Variants in POU6F1 observed in about 807,000 individuals in gnomAD.
The protein encoded by POU6F1 is POU class 6 homeobox 1, also known as POU domain, class 6, transcription factor 1.
POU6F1 carries 9 observed loss-of-function variants against 28.9 expected under a neutral mutation model. The ratio of observed to expected loss-of-function variants is 0.31; its 90% confidence interval spans 0.19 to 0.54. The LOEUF (loss-of-function observed/expected upper bound fraction) is 0.54, where lower values mean the gene tolerates loss of function less well. Among genes scored for constraint, POU6F1 ranks in the 20% least tolerant of loss-of-function variants. The pLI, the probability that POU6F1 is intolerant of heterozygous loss-of-function variation, is 0.94. For missense variants in POU6F1, 338 were observed against 426.1 expected (o/e 0.79, Z 1.82); for synonymous variants, 173 against 171.1 (o/e 1.01, Z -0.09).
At chr12:51,213,647 C>T (rs1420877324) in intron 1 of POU6F1, among the ~76,000 whole-genome samples, 5 of 152,160 alleles carry the variant, frequency 3.3e-5, no homozygotes, top group African/African-American at 1.2e-4. Context: ...GATTCTCCTG[C>T]CTCAACCTCC....
At chr12:51,216,286 A>G (rs183904746) in intron 1 of POU6F1, among the ~76,000 whole-genome samples, 3 of 152,252 alleles carry the variant, frequency 2.0e-5, no homozygotes, top group Admixed American at 2.0e-4. Flanking sequence ...CAAAATGCAG[A>G]AAAACCTTAC....
rs889339997 is a variant in POU6F1 at position 51,187,116 on chromosome 12, T to C, written c.*3131A>G. 3 of 152,234 alleles carry C rather than the reference T, an allele frequency of 2.0e-5. No homozygotes were observed. The highest frequency in any genetic ancestry group is 7.2e-5 in the African/African-American group (3 of 41,526). 9.4% of individuals were successfully genotyped at this position (152,234 alleles called of 1,614,324 possible). The stretch of plus-strand genomic sequence containing the variant: ...AGGAAATCTGGGCATGGGAAGGTAA[T>C]TGGATTTCCAAGAACACAAAAATGT... On this transcript the variant is annotated 3_prime_UTR_variant, in exon 11 of 11. Coordinates refer to ENST00000333640, the MANE Select transcript of POU6F1 (RefSeq NM_001330422.2).
rs1484301626 is a variant in POU6F1 at position 51,190,024 on chromosome 12, C to T, written c.*223G>A. Reference sequence around the variant, plus strand: ...AAATCCTCTTCTTCGGAGTGACCAGCCCAGAGCCTGGAGCTCTCGTGTGGC... The same window carrying T: ...AAATCCTCTTCTTCGGAGTGACCAGTCCAGAGCCTGGAGCTCTCGTGTGGC... On this transcript the variant is annotated 3_prime_UTR_variant, in exon 11 of 11. Transcript: ENST00000333640. The surrounding 1 kb of genome is among the most constrained non-coding windows in gnomAD (Gnocchi z 4.5). 1 of 754,990 alleles carries T rather than the reference C, an allele frequency of 1.3e-6. No homozygotes were observed. The highest frequency in any genetic ancestry group is 1.8e-5 in the African/African-American group (1 of 56,748). The allele number at this position is 754,990 out of a possible 1,614,324, so 46.8% of individuals were successfully genotyped here.
At chr12:51,206,556 C>T (rs980043405) in intron 2 of POU6F1, among the ~76,000 whole-genome samples, 4 of 152,038 alleles carry the variant, frequency 2.6e-5, no homozygotes, top group Admixed American at 2.0e-4. Context: ...AAACCTTTCC[C>T]CATGTAAACT....
Position 51,196,874 on chromosome 12 carries a change from T to C in POU6F1, c.900A>G (p.Thr300=). ...GQTQILGSLT[T]APVITSAIPS... Reference sequence around the variant, plus strand: ...GAATGGCGCTGGTAATGACTGGAGCTGTAGTGAGGGACCCCAGGATCTGGG... The same window carrying C: ...GAATGGCGCTGGTAATGACTGGAGCCGTAGTGAGGGACCCCAGGATCTGGG... Residue 300 remains threonine, a synonymous_variant, in exon 7 of 11, where the codon ACA becomes ACG. Transcript: ENST00000333640. The C allele has an allele frequency of 6.2e-7, 1 of 1,613,818 alleles. No individual in the cohort carries two copies. The highest frequency in any genetic ancestry group is 8.5e-7 in the Non-Finnish European group (1 of 1,179,776).
At chr12:51,214,874 G>A (rs879360398) in intron 1 of POU6F1, among the ~76,000 whole-genome samples, 1 of 152,000 alleles carries the variant, frequency 6.6e-6, no homozygotes, top group Non-Finnish European at 1.5e-5. Context: ...CCAGAGAATC[G>A]CTTGAGCCCA....
Position 51,196,081 on chromosome 12 carries a change from C to A in POU6F1, c.1068G>T (p.Gln356His). 6.2e-7 allele frequency: 1 copy of A among 1,606,768 alleles called. No homozygotes were observed. The highest frequency in any genetic ancestry group is 8.5e-7 in the Non-Finnish European group (1 of 1,177,214). ...QSLQVQAVTP[Q>H]LLLNAQGQVI... Reference sequence around the variant, plus strand: ...CCTGGCCCTGGGCGTTCAACAACAGCTGGGGGGTCACGGCCTGGACCTGCA... The same window carrying A: ...CCTGGCCCTGGGCGTTCAACAACAGATGGGGGGTCACGGCCTGGACCTGCA... Residue 356 changes from glutamine (Q) to histidine (H), a missense_variant, in exon 8 of 11, where the codon CAG becomes CAT. Physicochemically the swap from Gln to His is conservative, Grantham distance 24. Transcript: ENST00000333640.
In POU6F1 at chr12:51,204,342, G is replaced by T; in HGVS notation, c.75C>A (p.Thr25=). Residue 25 remains threonine (T), a synonymous_variant, in exon 3 of 11, where the codon ACC becomes ACA. Transcript: ENST00000333640. ...EQVIVMSGHE[T]IRVLEVGVDA... ...CCACTCCGACTTCCAGCACTCGGAT[G>T]GTCTCATGACCTGACATCACGATGA... is the stretch of plus-strand genomic sequence containing the variant. 2.5e-6 allele frequency: 1 copy of T among 399,348 alleles called. No individual in the cohort carries two copies. The highest frequency in any genetic ancestry group is 4.4e-6 in the Non-Finnish European group (1 of 226,360). 24.7% of individuals were successfully genotyped at this position (399,348 alleles called of 1,614,324 possible). A position where few individuals can be genotyped will look rare whatever the true frequency, so the allele number is the denominator to read the frequency against.
rs935391418 is a variant in POU6F1 at position 51,197,955 on chromosome 12, T to C, written c.661A>G (p.Thr221Ala). The change falls in exon 6 of 11, where the codon ACG becomes GCG. Residue 221 changes from threonine (T) to alanine (A), a missense_variant. Around this residue, in one of 3 missense-constraint regions of POU6F1, gnomAD observed 206 missense variants for 225.6 expected, o/e 0.91. Transcript: ENST00000333640. ...TGGGCTGGTGGCCGGGGTTGGGCCG[T>C]CGAGGAGGCCTGTACTGGTGCGGCA... ...QAAAPVQASS[T>A]AQPRPPAQPQ... 8 of 402,244 alleles carry C rather than the reference T, an allele frequency of 2.0e-5. No homozygotes were observed. The highest frequency in any genetic ancestry group is 8.8e-5 in the Admixed American group (2 of 22,722). The allele number at this position is 402,244 out of a possible 1,614,324, so 24.9% of individuals were successfully genotyped here.
chr12:51,204,540 CCT>C (rs1238559345), intron 2 of POU6F1, among the ~76,000 whole-genome samples, 172 bp from the exon 3 acceptor site: 2 of 152,124 alleles, frequency 1.3e-5, no homozygotes, highest in African/African-American at 4.8e-5. Context: ...GTTGCAGCTC[CCT>C]GATTCCAGGG....
At position 51,218,039 on chromosome 12, in the gene POU6F1, C is replaced by T. The variant is rs1944379207; in HGVS notation, c.-445G>A. Among the ~76,000 whole-genome samples, 1 of 150,610 alleles carries T rather than the reference C, an allele frequency of 6.6e-6. No individual in the cohort carries two copies. Among genetic ancestry groups the T allele is most frequent in the Admixed American group, 6.6e-5 (1 of 15,128 alleles). On this transcript the variant is annotated 5_prime_UTR_variant, in exon 1 of 11. Coordinates refer to ENST00000333640, the MANE Select transcript of POU6F1 (RefSeq NM_001330422.2). Reference sequence around the variant, plus strand: ...TCTGCTACTTGGATTTTTTTAGCTGCTGCGTCATGAGCATAATTTATGCAA... The same window carrying T: ...TCTGCTACTTGGATTTTTTTAGCTGTTGCGTCATGAGCATAATTTATGCAA...
chr12:51,194,515 C>A (rs1364041316), intron 8 of POU6F1, among the ~76,000 whole-genome samples: 3 of 151,948 alleles, frequency 2.0e-5, no homozygotes, highest in African/African-American at 7.2e-5. Context: ...GTGGTGCACA[C>A]CTGTAGTCCC....
At position 51,186,996 on chromosome 12, in the gene POU6F1, C is replaced by T. The variant is rs940219978; in HGVS notation, c.*3251G>A. The T allele has an allele frequency of 4.6e-5, 7 of 152,290 alleles. No homozygotes were observed. Among genetic ancestry groups the T allele is most frequent in the African/African-American group, 1.4e-4 (6 of 41,460 alleles). The allele number at this position is 152,290 out of a possible 1,614,324, so 9.4% of individuals were successfully genotyped here. On this transcript the variant is annotated 3_prime_UTR_variant, in exon 11 of 11. Transcript: ENST00000333640. ...ACATCAAGCGCTTCTTCCCCATTCT[C>T]CTCTCCCCTTGCTGCCCCTCCAGCC... is the stretch of plus-strand genomic sequence containing the variant.
At position 51,196,241 on chromosome 12, in the gene POU6F1, C is replaced by T. The variant is rs1397752266; in HGVS notation, c.976-68G>A. 6 of 1,282,206 alleles carry T rather than the reference C, an allele frequency of 4.7e-6. No homozygotes were observed. The African/African-American group carries it at 6.1e-5, about 13-fold the overall frequency. 79.4% of individuals were successfully genotyped at this position (1,282,206 alleles called of 1,614,324 possible). ...TCCAGCTCCACCCCAAACCCAGATC[C>T]CCACACCACCAGGGGAACAGACTAA... is the stretch of plus-strand genomic sequence containing the variant. On this transcript the variant is annotated intron_variant, in intron 7 of 10. Transcript: ENST00000333640.
At chr12:51,192,560 C>G in intron 8 of POU6F1, 89 bp from the exon 9 acceptor site, 2 of 1,523,678 alleles carry the variant, frequency 1.3e-6, no homozygotes, top group South Asian at 2.5e-5. Context: ...AGGGCAAAAA[C>G]AGACATGAAA....
Position 51,189,330 on chromosome 12 carries a change from T to C in POU6F1, c.*917A>G, listed in dbSNP as rs1314032203. 1.3e-5 allele frequency: 2 copies of C among 152,218 alleles called. No homozygotes were observed. Among genetic ancestry groups the C allele is most frequent in the African/African-American group, 4.8e-5 (2 of 41,448 alleles). The allele number at this position is 152,218 out of a possible 1,614,324, so 9.4% of individuals were successfully genotyped here. A position where few individuals can be genotyped will look rare whatever the true frequency, so the allele number is the denominator to read the frequency against. ...AAGAGAAAGAAAGAGAAAGTCAGCA[T>C]TCCTTTCCTTATTTTTCTCCAGAGT... is the stretch of plus-strand genomic sequence containing the variant. On this transcript the variant is annotated 3_prime_UTR_variant, in exon 11 of 11. Transcript: ENST00000333640.
At chr12:51,192,601 G>A in intron 8 of POU6F1, 130 bp from the exon 9 acceptor site, 1 of 1,226,438 alleles carries the variant, frequency 8.2e-7, no homozygotes, top group South Asian at 1.5e-5. Flanking sequence ...TCCCGCCTGG[G>A]CTCTATCATA....
Position 51,196,120 on chromosome 12 carries a change from T to G in POU6F1, c.1029A>C (p.Ala343=), listed in dbSNP as rs558956093. 1.3e-6 allele frequency: 2 copies of G among 1,579,410 alleles called. No individual in the cohort carries two copies. The highest frequency in any genetic ancestry group is 2.7e-5 in the African/African-American group (2 of 74,114). ...VVNSASVAAP[A]PAQSLQVQAV... is the part of the protein sequence containing the mutation. ...CCTGGACCTGCAGGCTTTGGGCTGG[T>G]GCTGGGGCCGCCACACTAGCTGAGT... is the stretch of plus-strand genomic sequence containing the variant. The change falls in exon 8 of 11, where the codon GCA becomes GCC. Residue 343 remains alanine (A), a synonymous_variant. Transcript: ENST00000333640.
At chr12:51,206,993 C>A in intron 1 of POU6F1, 110 bp from the exon 2 acceptor site, 2 of 387,806 alleles carry the variant, frequency 5.2e-6, no homozygotes. Flanking sequence ...AAGTTAGGTT[C>A]TCCCAAGTAT....
Sources: gnomAD v4.1 joint callset for allele counts (sites outside exome capture counted in the v4.1 genomes callset) on GRCh38, gnomAD v4.1.1 for gene constraint, gnomAD v4.1.1 regional missense constraint, Gnocchi (gnomAD v3.1) non-coding constraint, MANE v1.5 for transcripts, NCBI Gene and HGNC (gene_info 2026-07-23, HGNC 2026-07-21) for gene names.